BMPR1B: variants seen among roughly 807,000 people sequenced by gnomAD.
BMPR1B encodes the protein bone morphogenetic protein receptor type 1B, also known as bone morphogenetic protein receptor type-1B.
Under a neutral mutation model 59.1 loss-of-function variants are expected in BMPR1B, and 12 were observed. The ratio of observed to expected loss-of-function variants is 0.20; its 90% confidence interval spans 0.13 to 0.33. BMPR1B has a LOEUF of 0.33. Ranked by LOEUF, BMPR1B falls within the 10% of genes least tolerant of loss-of-function variation. BMPR1B has a pLI of 1.00. For synonymous variants in BMPR1B, 237 were observed against 207.3 expected, an observed-to-expected ratio of 1.14 and a Z score of -1.23; for missense variants, 550 against 610.9, an observed-to-expected ratio of 0.90 and a Z score of 1.05.
At chr4:94,768,731 A>C (rs1722065513) in intron 1 of BMPR1B, among the ~76,000 whole-genome samples, 2 of 152,148 alleles carry the variant, frequency 1.3e-5, no homozygotes, top group Admixed American at 1.3e-4. Flanking sequence ...TTTTAGTAAT[A>C]TTATAAACTA....
intron 2 of BMPR1B, among the ~76,000 whole-genome samples, chr4:94,933,264 G>A (rs1729163607): frequency 1.3e-5 from 2 of 151,830 alleles, no homozygotes; most frequent in Non-Finnish European, 2.9e-5. Context: ...GGCACTTAAC[G>A]ACTTCTTATT....
intron 4 of BMPR1B, among the ~76,000 whole-genome samples, chr4:95,114,084 T>C (rs538380963): frequency 6.6e-6 from 1 of 152,254 alleles, no homozygotes; most frequent in South Asian, 2.1e-4. Flanking sequence ...AATTTCTTTA[T>C]ATGACAGGAC....
intron 3 of BMPR1B, among the ~76,000 whole-genome samples, chr4:95,032,661 A>T (rs142531452): frequency 2.5e-4 from 38 of 152,250 alleles, no homozygotes; most frequent in African/African-American, 8.9e-4. Context: ...TTGGCCTAAT[A>T]TCCTTAAAGT....
In BMPR1B at chr4:95,032,487, G is replaced by A. The variant is rs1168317678; in HGVS notation, c.-18+36353G>A. Among the ~76,000 whole-genome samples the A allele has an allele frequency of 3.9e-5, 6 of 152,196 alleles. No homozygotes were observed. The East Asian group carries it at 1.2e-3, about 29-fold the overall frequency. On this transcript the variant is annotated intron_variant, in intron 3 of 12. Coordinates refer to ENST00000515059, the MANE Select transcript of BMPR1B (RefSeq NM_001203.3). ...AATTTTGAAGGGACACAAACATTCAGTCCATAACATTCTTTATATCTATTA... is the reference window on the plus strand; with the variant it reads ...AATTTTGAAGGGACACAAACATTCAATCCATAACATTCTTTATATCTATTA...
At chr4:94,839,298 C>A (rs1268129644) in intron 1 of BMPR1B, among the ~76,000 whole-genome samples, 1 of 137,154 alleles carries the variant, frequency 7.3e-6, no homozygotes, top group Admixed American at 7.3e-5. Flanking sequence ...GAGCTGAGTT[C>A]AATTCCTGGG....
At position 94,772,990 on chromosome 4, in the gene BMPR1B, T is replaced by C. The variant is rs1722239962; in HGVS notation, c.-183+14922T>C. 1.3e-5 allele frequency among the ~76,000 whole-genome samples: 2 copies of C among 152,178 alleles called. 1 individual carries two copies. Among genetic ancestry groups the C allele is most frequent in the South Asian group, 4.1e-4 (2 of 4,830 alleles). ...CTTTCTTAATCTCATATAATTCAAATCTTCTTTGTGTTCTCATTTCTCAGG... is the reference window on the plus strand; with the variant it reads ...CTTTCTTAATCTCATATAATTCAAACCTTCTTTGTGTTCTCATTTCTCAGG... On this transcript the variant is annotated intron_variant, in intron 1 of 12. Transcript: ENST00000515059.
At chr4:94,846,707 GTATCTATA>G (rs1288801999) in intron 1 of BMPR1B, among the ~76,000 whole-genome samples, 1 of 151,374 alleles carries the variant, frequency 6.6e-6, no homozygotes, top group South Asian at 2.1e-4. Flanking sequence ...ATGTATATAT[GTATCTATA>G]TATCTATATA....
At chr4:94,906,960 A>T (rs1197474855) in intron 2 of BMPR1B, among the ~76,000 whole-genome samples, 1 of 152,086 alleles carries the variant, frequency 6.6e-6, no homozygotes, top group Non-Finnish European at 1.5e-5. Context: ...CTCTTGGATT[A>T]TCTCTCTGTA....
chr4:94,973,717 C>A (rs950088333), intron 2 of BMPR1B, among the ~76,000 whole-genome samples: 1 of 152,124 alleles, frequency 6.6e-6, no homozygotes, highest in Non-Finnish European at 1.5e-5. Context: ...GTTTCGCTGC[C>A]CTTTCTGCCT....
chr4:94,884,734 C>G (rs1352451732), intron 2 of BMPR1B, among the ~76,000 whole-genome samples: 1 of 152,152 alleles, frequency 6.6e-6, no homozygotes, highest in East Asian at 1.9e-4. Context: ...TGAGTAAATG[C>G]AGCAATGCCC....
intron 3 of BMPR1B, among the ~76,000 whole-genome samples, chr4:95,096,785 CTA>C (rs1730425494): frequency 1.6e-5 from 2 of 128,966 alleles, no homozygotes; most frequent in African/African-American, 2.9e-5. Flanking sequence ...TTATATATAA[CTA>C]TATATCTATA....
At chr4:94,880,120 G>T (rs1163650614) in intron 2 of BMPR1B, among the ~76,000 whole-genome samples, 2 of 151,992 alleles carry the variant, frequency 1.3e-5, no homozygotes, top group African/African-American at 4.8e-5. Context: ...TTAAGTATAT[G>T]TGTGTTTCTC....
chr4:95,017,931 T>C (rs1723698770), intron 3 of BMPR1B, among the ~76,000 whole-genome samples: 1 of 152,126 alleles, frequency 6.6e-6, no homozygotes, highest in South Asian at 2.1e-4. Flanking sequence ...TGTTGTGAAA[T>C]GGGTAAACAA....
chr4:95,067,188 G>A (rs73838013), intron 3 of BMPR1B, among the ~76,000 whole-genome samples: 10 of 152,082 alleles, frequency 6.6e-5, no homozygotes, highest in Middle Eastern at 3.4e-3. Context: ...TCCCTAAACT[G>A]GTAGCATTTT....
intron 3 of BMPR1B, among the ~76,000 whole-genome samples, chr4:95,012,854 C>T (rs1202862660): frequency 6.6e-6 from 1 of 151,932 alleles, no homozygotes; most frequent in Non-Finnish European, 1.5e-5. Flanking sequence ...GAAGAAGAAA[C>T]AAAATTTTGG....
intron 3 of BMPR1B, among the ~76,000 whole-genome samples, chr4:95,030,826 C>A (rs1213163188): frequency 1.3e-5 from 2 of 152,110 alleles, no homozygotes; most frequent in Non-Finnish European, 1.5e-5. Context: ...ACGTGAAGGA[C>A]CTCTTCAAGG....
chr4:95,082,693 C>T (rs1489377488), intron 3 of BMPR1B, among the ~76,000 whole-genome samples: 1 of 152,052 alleles, frequency 6.6e-6, no homozygotes, highest in African/African-American at 2.4e-5. Context: ...ATATTCAGTA[C>T]CCTTTTTTCA....
chr4:95,108,050 A>G (rs1731317285), intron 4 of BMPR1B, among the ~76,000 whole-genome samples: 1 of 152,092 alleles, frequency 6.6e-6, no homozygotes, highest in Non-Finnish European at 1.5e-5. Flanking sequence ...AATAAATTGT[A>G]TACTGATACT....
chr4:95,143,437 T>G (rs1233161915), intron 10 of BMPR1B, among the ~76,000 whole-genome samples: 1 of 152,176 alleles, frequency 6.6e-6, no homozygotes, highest in African/African-American at 2.4e-5. Context: ...GTGTGTCTTT[T>G]AATTTTCTTG....
Sources: gnomAD v4.1 joint callset for allele counts (sites outside exome capture counted in the v4.1 genomes callset) on GRCh38, gnomAD v4.1.1 for gene constraint, MANE v1.5 for transcripts, NCBI Gene and HGNC (gene_info 2026-07-23, HGNC 2026-07-21) for gene names.